The following CFAP46 variants were observed in gnomAD, a reference collection of about 807,000 sequenced individuals.
CFAP46 encodes cilia and flagella associated protein 46, also known as cilia- and flagella-associated protein 46.
Under a neutral mutation model 325.7 loss-of-function variants are expected in CFAP46, and 245 were observed. That is an observed-to-expected ratio of 0.75 (90% CI 0.68 to 0.84). The LOEUF (loss-of-function observed/expected upper bound fraction) is 0.84, where lower values mean the gene tolerates loss of function less well. CFAP46 is among the 40% of genes least tolerant of loss of function. CFAP46 has a pLI of 0.00. For synonymous variants in CFAP46, 1,523 were observed against 1,495.9 expected, an observed-to-expected ratio of 1.02 and a Z score of -0.42; for missense variants, 3,346 against 3,543.0, an observed-to-expected ratio of 0.94 and a Z score of 1.41.
rs192063778 is a variant in CFAP46, at chr10:132,889,968, G to A, written c.3304+2365C>T. On this transcript the variant is annotated intron_variant, in intron 25 of 57. Transcript: ENST00000368586. The surrounding 1 kb of genome is among the most constrained non-coding windows in gnomAD (Gnocchi z 6.0). ...TCTGCACTTATCAGGATTCAGGAGC[G>A]TACATTTTCGTATCTGTGAAAAGTG... Among the ~76,000 whole-genome samples the A allele has an allele frequency of 7.2e-5, 11 of 152,312 alleles. No homozygotes were observed. In the East Asian group the frequency reaches 1.2e-3, roughly 16 times the overall value.
intron 39 of CFAP46, among the ~76,000 whole-genome samples, chr10:132,851,935 T>C (rs1338482088): frequency 1.3e-5 from 2 of 150,742 alleles, no homozygotes; most frequent in East Asian, 2.0e-4. Context: ...TCTCAGATCC[T>C]GATCCACAGA....
chr10:132,822,851 T>C, intron 50 of CFAP46, among the ~76,000 whole-genome samples: 1 of 120,802 alleles, frequency 8.3e-6, no homozygotes, highest in Middle Eastern at 5.4e-3. Context: ...ATGTGTGCAC[T>C]GTGTGCTGTG....
chr10:132,926,820 TTAAG>T (rs1849818105), intron 9 of CFAP46, among the ~76,000 whole-genome samples, 154 bp from the exon 10 acceptor site: 1 of 152,172 alleles, frequency 6.6e-6, no homozygotes, highest in Non-Finnish European at 1.5e-5. Flanking sequence ...ACGCAGAGGT[TTAAG>T]TGAGGAAGCC....
chr10:132,896,520 T>C (rs1280858440), intron 24 of CFAP46, among the ~76,000 whole-genome samples: 1 of 152,360 alleles, frequency 6.6e-6, no homozygotes, highest in South Asian at 2.1e-4. Context: ...TACTTAGTAA[T>C]AAATCTAACC....
chr10:132,824,314 GCAC>G (rs1847981083), intron 50 of CFAP46, among the ~76,000 whole-genome samples: 1 of 134,996 alleles, frequency 7.4e-6, no homozygotes, highest in Non-Finnish European at 1.6e-5. Flanking sequence ...TGCTGTGTGT[GCAC>G]TGATGTGTGC....
rs1385660201 is a variant in CFAP46, at chr10:132,821,244, GTGTGTGCTGTGTGAGCGCTGA to G, written c.7118-6351_7118-6331del. Among the ~76,000 whole-genome samples, 116 of 84,196 alleles carry G rather than the reference GTGTGTGCTGTGTGAGCGCTGA, an allele frequency of 1.4e-3. No individual in the cohort carries two copies. In the South Asian group the frequency reaches 0.026, roughly 19 times the overall value. The allele number at this position is 84,196 out of a possible 152,430, so 55.2% of individuals were successfully genotyped here. A position where few individuals can be genotyped will look rare whatever the true frequency, so the allele number is the denominator to read the frequency against. ...CTGTGTGTGTGCTGATGTGTGCTGT[GTGTGTGCTGTGTGAGCGCTGA>G]TGTGTGCTGTGTGAGTGCTGATGTG... On this transcript the variant is annotated intron_variant, in intron 50 of 57. Transcript: ENST00000368586.
chr10:132,812,433 G>A (rs1282367748), intron 55 of CFAP46, among the ~76,000 whole-genome samples: 7 of 152,170 alleles, frequency 4.6e-5, no homozygotes, highest in African/African-American at 1.2e-4. Context: ...CGTGACCAGC[G>A]CGGTCCTGAG....
At chr10:132,813,955 C>A (rs1293766684) in intron 54 of CFAP46, among the ~76,000 whole-genome samples, 197 bp downstream of exon 54, 1 of 152,244 alleles carries the variant, frequency 6.6e-6, no homozygotes, top group Non-Finnish European at 1.5e-5. Flanking sequence ...AGGTCGCCAT[C>A]TGTAAAGCAG....
At chr10:132,912,140 ATC>A (rs1284356383) in intron 19 of CFAP46, among the ~76,000 whole-genome samples, 1 of 11,858 alleles carries the variant, frequency 8.4e-5, no homozygotes, top group African/African-American at 3.4e-4. Context: ...CCACCCCCAC[ATC>A]TCTCTCTCTC....
chr10:132,857,841 T>G, intron 38 of CFAP46, 53 bp from the exon 39 acceptor site: 1 of 1,340,070 alleles, frequency 7.5e-7, no homozygotes, highest in South Asian at 1.5e-5. Context: ...TATTACTAAA[T>G]GTTTAATATG....
Position 132,811,047 on chromosome 10 carries a change from G to A in CFAP46, c.7502-16C>T, listed in dbSNP as rs1847572137. 6.4e-7 allele frequency: 1 copy of A among 1,568,904 alleles called. No homozygotes were observed. The highest frequency in any genetic ancestry group is 8.6e-7 in the Non-Finnish European group (1 of 1,157,794). On this transcript the variant is annotated splice_polypyrimidine_tract_variant and intron_variant, in intron 55 of 57. Coordinates refer to ENST00000368586, the MANE Select transcript of CFAP46 (RefSeq NM_001200049.3). The stretch of plus-strand genomic sequence containing the variant: ...ACCTGGCACTCTGCCGGGACGGGAA[G>A]GGCAGCTCAGCAGCCTTGGCCTGAC...
Position 132,814,886 on chromosome 10 carries a change from G to T in CFAP46, c.7146C>A (p.Ser2382Arg). 1 of 1,614,182 alleles carries T rather than the reference G, an allele frequency of 6.2e-7. No individual in the cohort carries two copies. Among genetic ancestry groups the T allele is most frequent in the South Asian group, 1.1e-5 (1 of 91,084 alleles). Residue 2382 changes from serine (S) to arginine (R), a missense_variant, in exon 51 of 58, where the codon AGC (serine) becomes AGA (arginine). Ser to Arg is a moderately radical substitution (Grantham distance 110). Transcript: ENST00000368586. ...CTAGGCTTCTCTTTTTGGGGTCTCT[G>T]CTTCTTCCCTCCTTTTTCACGCCAC... ...TEGGVKKEGR[S>R]RDPKKRSLAK...
At chr10:132,890,414 T>C (rs1849238251) in intron 25 of CFAP46, among the ~76,000 whole-genome samples, 4 of 152,238 alleles carry the variant, frequency 2.6e-5, no homozygotes, top group Admixed American at 2.0e-4. Flanking sequence ...ACATCCTTGC[T>C]GCTAAAAGTC....
Position 132,877,807 on chromosome 10 carries a change from C to A in CFAP46, c.4212+74G>T. 6.6e-7 allele frequency: 1 copy of A among 1,505,656 alleles called. No individual in the cohort carries two copies. The highest frequency in any genetic ancestry group is 9.0e-7 in the Non-Finnish European group (1 of 1,112,448). The allele number at this position is 1,505,656 out of a possible 1,614,324, so 93.3% of individuals were successfully genotyped here. On this transcript the variant is annotated intron_variant, in intron 30 of 57. Coordinates refer to ENST00000368586, the MANE Select transcript of CFAP46 (RefSeq NM_001200049.3). This position sits in a 1 kb window ranked among gnomAD's most constrained non-coding sequence, Gnocchi z 5.7. ...AGGCCGCCTGGGGCTCCTCCGAGAA[C>A]CCTGACAGGCAGGGAAACTGAGGCA...
intron 26 of CFAP46, 73 bp downstream of exon 26, chr10:132,885,748 A>G (rs1173617507): frequency 3.1e-5 from 44 of 1,426,506 alleles, no homozygotes; most frequent in Middle Eastern, 2.4e-4. Context: ...CGGTGTGGGG[A>G]GCACTCACAG....
intron 35 of CFAP46, among the ~76,000 whole-genome samples, chr10:132,862,076 G>A (rs56279308): frequency 6.6e-6 from 1 of 152,252 alleles, no homozygotes. Context: ...ACCGCCAGAC[G>A]GCGTAGGCAG....
rs368527470 is a variant in CFAP46 at position 132,919,956 on chromosome 10, C to T, written c.1730+103G>A. The T allele has an allele frequency of 1.2e-5, 16 of 1,377,718 alleles. No individual in the cohort carries two copies. The highest frequency in any genetic ancestry group is 3.3e-5 in the Admixed American group (1 of 29,938). The allele number at this position is 1,377,718 out of a possible 1,614,324, so 85.3% of individuals were successfully genotyped here. ...GCAGGTGGCCTGGCGAGTCCCCAGA[C>T]GGCCACATGCAGGGTCAGCTCAGCC... On this transcript the variant is annotated intron_variant, in intron 14 of 57. Transcript: ENST00000368586. This position sits in a 1 kb window ranked among gnomAD's most constrained non-coding sequence, Gnocchi z 9.7.
At chr10:132,843,583 C>T (rs536314980) in intron 44 of CFAP46, among the ~76,000 whole-genome samples, 9 of 138,486 alleles carry the variant, frequency 6.5e-5, no homozygotes, top group African/African-American at 2.2e-4. Flanking sequence ...GGGCTCTGGT[C>T]TCGGTGGGTG....
chr10:132,834,186 C>T (rs780252848), intron 48 of CFAP46, 63 bp from the exon 49 acceptor site: 17 of 1,450,662 alleles, frequency 1.2e-5, no homozygotes, highest in Middle Eastern at 3.5e-4. Context: ...GGAATATAGG[C>T]GACACCTGCT....
Sources: gnomAD v4.1 joint callset for allele counts (sites outside exome capture counted in the v4.1 genomes callset) on GRCh38, gnomAD v4.1.1 for gene constraint, Gnocchi (gnomAD v3.1) non-coding constraint, MANE v1.5 for transcripts, NCBI Gene and HGNC (gene_info 2026-07-23, HGNC 2026-07-21) for gene names.